The following NT5DC3 variants were observed in gnomAD, a reference collection of about 807,000 sequenced individuals.
NT5DC3 encodes 5'-nucleotidase domain containing 3.
Under a neutral mutation model 67.8 loss-of-function variants are expected in NT5DC3, and 42 were observed. The ratio of observed to expected loss-of-function variants is 0.62; its 90% CI spans 0.48 to 0.80. The LOEUF is 0.80. Among genes scored for constraint, NT5DC3 ranks in the 30% least tolerant of loss-of-function variants. The pLI, the probability that NT5DC3 is intolerant of heterozygous loss-of-function variation, is 0.00. For missense variants in NT5DC3, 570 were observed against 696.4 expected, an observed-to-expected ratio of 0.82 and a Z score of 2.04; for synonymous variants, 237 against 255.6, an observed-to-expected ratio of 0.93 and a Z score of 0.69.
chr12:103,784,501 C>T (rs2139311931), intron 12 of NT5DC3, among the ~76,000 whole-genome samples: 2 of 152,338 alleles, frequency 1.3e-5, no homozygotes, highest in South Asian at 4.1e-4. Flanking sequence ...CTGCCCATTT[C>T]CAAAGCCAGA....
the NT5DC3 span, chr12:103,753,343 A>G: frequency 5.0e-6 from 8 of 1,614,106 alleles, no homozygotes; most frequent in African/African-American, 1.3e-5. Context: ...CAGCTCTCCT[A>G]TGCCCAGAAG....
intron 11 of NT5DC3, chr12:103,785,725 G>T (rs1343161603): frequency 1.8e-6 from 1 of 546,888 alleles, no homozygotes; most frequent in East Asian, 4.2e-5. Context: ...AGAAACACTA[G>T]GTCTGGAATC....
At chr12:103,806,427 A>G in intron 3 of NT5DC3, 50 bp from the exon 4 acceptor site, 1 of 1,324,158 alleles carries the variant, frequency 7.6e-7, no homozygotes, top group Non-Finnish European at 1.1e-6. Context: ...GACTATTTGC[A>G]TATTACATGA....
At chr12:103,803,052 G>A (rs1886651052) in intron 4 of NT5DC3, among the ~76,000 whole-genome samples, 2 of 152,068 alleles carry the variant, frequency 1.3e-5, no homozygotes, top group South Asian at 4.1e-4. Context: ...TCTATGGAGG[G>A]GGCCAACAGC....
intron 1 of NT5DC3, among the ~76,000 whole-genome samples, chr12:103,838,402 C>G (rs1165592): frequency 0.76 from 116,310 of 152,102 alleles, 44,764 homozygotes; most frequent in East Asian, 0.99. Context: ...TATGATGCTA[C>G]TGCTACCTGC....
chr12:103,752,231 C>A, the NT5DC3 span, among the ~76,000 whole-genome samples: 3 of 152,076 alleles, frequency 2.0e-5, no homozygotes, highest in Non-Finnish European at 4.4e-5. Context: ...TATTGATATA[C>A]ATCTACTCAA....
Position 103,797,008 on chromosome 12 carries a change from C to A in NT5DC3, c.639G>T (p.Lys213Asn). ...YGKSSHGNTM[K>N]QFMDIFSLPE... is the part of the protein sequence containing the mutation. ...GCAGGGAGAAGATGTCCATGAACTG[C>A]TTCATCGTGTTTCCATGAGAGCTCT... is the stretch of plus-strand genomic sequence containing the variant. Residue 213 changes from lysine to asparagine, a missense_variant, in exon 6 of 14, where the codon AAG (lysine) becomes AAT (asparagine). Physicochemically the swap from Lys to Asn is moderately conservative, Grantham distance 94. Coordinates refer to ENST00000392876, the MANE Select transcript of NT5DC3 (RefSeq NM_001031701.3). 6.2e-7 allele frequency: 1 copy of A among 1,614,166 alleles called. No homozygotes were observed. Among genetic ancestry groups the A allele is most frequent in the Non-Finnish European group, 8.5e-7 (1 of 1,180,028 alleles).
chr12:103,827,602 G>A (rs1411751112), intron 1 of NT5DC3, among the ~76,000 whole-genome samples: 4 of 152,096 alleles, frequency 2.6e-5, no homozygotes, highest in South Asian at 2.1e-4. Flanking sequence ...TTATATTCAG[G>A]TTTATACATC....
intron 1 of NT5DC3, among the ~76,000 whole-genome samples, chr12:103,825,975 G>A (rs550778128): frequency 1.3e-4 from 20 of 152,304 alleles, no homozygotes; most frequent in African/African-American, 3.8e-4. Context: ...ATATGCAGAT[G>A]GGGAAAATAA....
chr12:103,785,341 C>G lies in NT5DC3; in HGVS notation c.1323G>C (p.Gln441His). The G allele has an allele frequency of 6.2e-7, 1 of 1,614,086 alleles. No individual in the cohort carries two copies. The highest frequency in any genetic ancestry group is 8.5e-7 in the Non-Finnish European group (1 of 1,179,958). The change falls in exon 12 of 14, where the codon CAG becomes CAC. Residue 441 changes from glutamine to histidine, a missense_variant. Physicochemically the swap from Gln to His is conservative, Grantham distance 24. Transcript: ENST00000392876. ...AAAAATAATATATCCAAACCTGCAT[C>G]TGTTCCAATAAGCCAGTCAAGGTCT... The part of the protein sequence containing the change: ...WLQTLTGLLE[Q>H]MQVHRDAESQ...
chr12:103,820,567 A>G (rs1887450575), intron 1 of NT5DC3, among the ~76,000 whole-genome samples: 1 of 152,216 alleles, frequency 6.6e-6, no homozygotes, highest in Admixed American at 6.5e-5. Context: ...TAATGCTCAG[A>G]AATGCTAAAT....
chr12:103,791,506 C>A (rs1886059962), intron 9 of NT5DC3, among the ~76,000 whole-genome samples: 1 of 152,172 alleles, frequency 6.6e-6, no homozygotes, highest in Non-Finnish European at 1.5e-5. Flanking sequence ...CTCCCCAAGA[C>A]ACTGGAAGAA....
intron 2 of NT5DC3, among the ~76,000 whole-genome samples, chr12:103,809,370 C>T (rs1886935027): frequency 6.6e-6 from 1 of 152,242 alleles, no homozygotes; most frequent in South Asian, 2.1e-4. Context: ...TTCCGCTTGC[C>T]TCTCACTCTC....
the NT5DC3 span, chr12:103,749,188 G>A: frequency 6.4e-7 from 1 of 1,570,542 alleles, no homozygotes; most frequent in Non-Finnish European, 8.7e-7. Flanking sequence ...AAATTTGGGA[G>A]CAGCGCCGTG....
At chr12:103,840,815 G>C in intron 1 of NT5DC3, 134 bp downstream of exon 1, 1 of 404,572 alleles carries the variant, frequency 2.5e-6, no homozygotes, top group South Asian at 1.0e-4. Context: ...GGCTGGGGGT[G>C]TGGGCACCGG....
chr12:103,831,566 AAG>A (rs1395097746), intron 1 of NT5DC3, among the ~76,000 whole-genome samples: 1 of 152,054 alleles, frequency 6.6e-6, no homozygotes, highest in Non-Finnish European at 1.5e-5. Flanking sequence ...CAAAGACCAA[AAG>A]AGAGAAGTTT....
At chr12:103,814,086 C>T (rs7485127) in intron 2 of NT5DC3, among the ~76,000 whole-genome samples, 15,460 of 152,202 alleles carry the variant, frequency 0.1, 1,102 homozygotes, top group East Asian at 0.29. Flanking sequence ...AACTGATCTA[C>T]CCACGTGACC....
chr12:103,771,358 T>C (rs1276106513), downstream of NT5DC3: 1 of 152,236 alleles, frequency 6.6e-6, no homozygotes, highest in Non-Finnish European at 1.5e-5. Flanking sequence ...TAAAATTATG[T>C]CACAAAAATT....
chr12:103,782,474 C>T (rs1224184690), intron 12 of NT5DC3, among the ~76,000 whole-genome samples: 1 of 152,202 alleles, frequency 6.6e-6, no homozygotes, highest in Admixed American at 6.5e-5. Context: ...CATTCATTCA[C>T]ATACTGTCCA....
Sources: gnomAD v4.1 joint callset for allele counts (sites outside exome capture counted in the v4.1 genomes callset) on GRCh38, gnomAD v4.1.1 for gene constraint, MANE v1.5 for transcripts, NCBI Gene and HGNC (gene_info 2026-07-23, HGNC 2026-07-21) for gene names.